The following SCNN1B variants were observed in gnomAD, a reference collection of about 807,000 sequenced individuals.
SCNN1B encodes the protein epithelial sodium channel subunit beta.
A neutral mutation model predicts 65.3 loss-of-function variants in SCNN1B; 46 were observed. The observed-to-expected ratio is 0.70, with a 90% confidence interval of 0.56 to 0.90. The LOEUF (loss-of-function observed/expected upper bound fraction) is 0.90, where lower values mean the gene tolerates loss of function less well. Ranked by LOEUF, SCNN1B falls within the 40% of genes least tolerant of loss-of-function variation. The pLI is 0.00. For missense variants in SCNN1B, 751 were observed against 830.5 expected (o/e 0.90, Z 1.18); for synonymous variants, 349 against 330.6 (o/e 1.06, Z -0.60).
rs529343702 is a variant in SCNN1B, at chr16:23,327,775, A to G, written c.-8-20817A>G. Among the ~76,000 whole-genome samples, 4 of 152,254 alleles carry G rather than the reference A, an allele frequency of 2.6e-5. No individual in the cohort carries two copies. The South Asian group carries it at 8.3e-4, about 32-fold the overall frequency. On this transcript the variant is annotated intron_variant, in intron 1 of 12. Coordinates refer to ENST00000343070, the MANE Select transcript of SCNN1B (RefSeq NM_000336.3). ...TAGCAGGTGAACAAGAAAATGACAA[A>G]CCAGGAGCCCTTCTGGCCTCATGAC...
At chr16:23,378,844 A>G in intron 11 of SCNN1B, 77 bp downstream of exon 11, 1 of 1,324,394 alleles carries the variant, frequency 7.6e-7, no homozygotes, top group East Asian at 2.3e-5. Context: ...TGGACACAGG[A>G]CAGCTCCTCA....
chr16:23,293,114 CA>C (rs1191618996), intron 2 of SCNN1B, among the ~76,000 whole-genome samples: 529 of 34,128 alleles, frequency 0.016, no homozygotes, highest in Non-Finnish European at 0.021. Flanking sequence ...GACTCATTCT[CA>C]AAAAAAAAAA....
intron 7 of SCNN1B, 37 bp downstream of exon 7, chr16:23,371,920 C>A (rs1012894741): frequency 6.7e-7 from 1 of 1,486,362 alleles, no homozygotes; most frequent in Non-Finnish European, 9.4e-7. Context: ...CCCGGGGCCC[C>A]TGTCCGGGTT....
intron 3 of SCNN1B, among the ~76,000 whole-genome samples, chr16:23,354,614 T>C (rs1279143897): frequency 6.6e-6 from 1 of 152,234 alleles, no homozygotes; most frequent in Non-Finnish European, 1.5e-5. Flanking sequence ...AGGCAGCATT[T>C]CCTGTGTGTT....
intron 4 of SCNN1B, among the ~76,000 whole-genome samples, chr16:23,366,962 G>C (rs575671726): frequency 6.6e-6 from 1 of 152,356 alleles, no homozygotes; most frequent in Admixed American, 6.5e-5. Context: ...CCAGTCATCA[G>C]AAGAGGCAAG....
At chr16:23,282,603 G>C (rs1272203060) in intron 1 of SCNN1B, among the ~76,000 whole-genome samples, 1 of 152,148 alleles carries the variant, frequency 6.6e-6, no homozygotes, top group African/African-American at 2.4e-5. Flanking sequence ...CAGATGTGGG[G>C]CTTGGACACT....
intron 3 of SCNN1B, 106 bp downstream of exon 3, chr16:23,353,180 G>A: frequency 7.5e-7 from 1 of 1,331,332 alleles, no homozygotes; most frequent in Non-Finnish European, 1.1e-6. Flanking sequence ...AAGACAAGAT[G>A]GAAGCCAGAG....
intron 4 of SCNN1B, among the ~76,000 whole-genome samples, chr16:23,356,553 G>T (rs1962424683): frequency 6.6e-6 from 1 of 151,748 alleles, no homozygotes; most frequent in South Asian, 2.1e-4. Context: ...GAGTCCAGGA[G>T]GTCGAAGCTA....
At chr16:23,301,366 A>AAAAAAAAAAAAAAAAGAAAG (rs796515589), upstream of SCNN1B, among the ~76,000 whole-genome samples, 7 of 146,764 alleles carry the variant, frequency 4.8e-5, no homozygotes, top group African/African-American at 1.9e-4. Context: ...TGTCAAAAAA[A>AAAAAAAAAAAAAAAAGAAAG]AAAGAAAGAA....
intron 2 of SCNN1B, among the ~76,000 whole-genome samples, chr16:23,292,697 T>A (rs1357495939): frequency 6.7e-6 from 1 of 149,928 alleles, no homozygotes; most frequent in Non-Finnish European, 1.5e-5. Flanking sequence ...TGAGATGCAT[T>A]TTTGCCATGT....
intron 4 of SCNN1B, among the ~76,000 whole-genome samples, chr16:23,361,929 G>T (rs1190752710): frequency 6.6e-6 from 1 of 151,902 alleles, no homozygotes; most frequent in Non-Finnish European, 1.5e-5. Flanking sequence ...GCCCAAGCTG[G>T]TCTCAAACTC....
intron 10 of SCNN1B, 109 bp downstream of exon 10, chr16:23,377,495 C>CTCCT: frequency 5.5e-6 from 5 of 911,852 alleles, no homozygotes; most frequent in South Asian, 1.4e-5. Flanking sequence ...TTTTCCCTCC[C>CTCCT]TCCTTCCTTC....
At position 23,305,549 on chromosome 16, in the gene SCNN1B, TA is replaced by T. The variant is rs1396562729; in HGVS notation, c.-9+3113del. ...AATATATATATTATATATATATATA[TA>T]TATATATATATATATATATATATAT... On this transcript the variant is annotated intron_variant, in intron 1 of 12. Transcript: ENST00000343070. Among the ~76,000 whole-genome samples the T allele has an allele frequency of 1.7e-3, 57 of 34,542 alleles. 4 individuals carry two copies. In the African/African-American group the frequency reaches 0.02, roughly 12 times the overall value. The allele number at this position is 34,542 out of a possible 152,430, so 22.7% of individuals were successfully genotyped here. A position where few individuals can be genotyped will look rare whatever the true frequency, so the allele number is the denominator to read the frequency against.
chr16:23,302,687 C>T (rs1961110545), intron 1 of SCNN1B, among the ~76,000 whole-genome samples: 1 of 152,116 alleles, frequency 6.6e-6, no homozygotes, highest in Non-Finnish European at 1.5e-5. Context: ...GGGCCAGGGT[C>T]CCCGGCGTGT....
intron 1 of SCNN1B, among the ~76,000 whole-genome samples, chr16:23,320,291 C>T (rs867870165): frequency 4.6e-5 from 7 of 152,132 alleles, no homozygotes; most frequent in Non-Finnish European, 7.4e-5. Context: ...CCAGAGGCCT[C>T]GGGGGAAGAC....
intron 1 of SCNN1B, among the ~76,000 whole-genome samples, chr16:23,320,334 G>T (rs1469759056): frequency 6.6e-6 from 1 of 152,202 alleles, no homozygotes; most frequent in Non-Finnish European, 1.5e-5. Context: ...GCTCTCGGGT[G>T]ATGCTGTTTC....
intron 1 of SCNN1B, among the ~76,000 whole-genome samples, chr16:23,317,468 T>C (rs951777836): frequency 1.3e-5 from 2 of 152,150 alleles, no homozygotes; most frequent in African/African-American, 4.8e-5. Flanking sequence ...GGCCTTTTTT[T>C]CTTCTCAAGG....
intron 5 of SCNN1B, 111 bp from the exon 6 acceptor site, chr16:23,371,188 G>T: frequency 8.2e-7 from 1 of 1,221,208 alleles, no homozygotes. Flanking sequence ...CAGCCTCCTT[G>T]GCGGTCCCTG....
intron 1 of SCNN1B, among the ~76,000 whole-genome samples, chr16:23,280,593 G>A (rs1960770811): frequency 6.6e-6 from 1 of 152,172 alleles, no homozygotes; most frequent in Non-Finnish European, 1.5e-5. Flanking sequence ...ATTTTCCCAA[G>A]GGCACACAGC....
Sources: allele counts gnomAD v4.1 joint callset (sites outside exome capture counted in the v4.1 genomes callset), GRCh38; gene constraint gnomAD v4.1.1; transcripts MANE v1.5; gene names NCBI Gene and HGNC (gene_info 2026-07-23, HGNC 2026-07-21).